VWA3B: variants seen among roughly 807,000 people sequenced by gnomAD.
VWA3B encodes the protein von Willebrand factor A domain containing 3B.
VWA3B carries 138 observed loss-of-function variants against 158.3 expected under a neutral mutation model. That is an observed-to-expected ratio of 0.87 (90% CI 0.76 to 1.00). The LOEUF (loss-of-function observed/expected upper bound fraction) is 1.00. Among genes scored for constraint, VWA3B ranks in the 50% least tolerant of loss-of-function variants. The pLI is 0.00. For synonymous variants in VWA3B, 596 were observed against 587.3 expected, an observed-to-expected ratio of 1.01 and a Z score of -0.21; for missense variants, 1,555 against 1,565.1, an observed-to-expected ratio of 0.99 and a Z score of 0.11.
intron 10 of VWA3B, among the ~76,000 whole-genome samples, chr2:98,188,704 T>C (rs1449057406): frequency 6.6e-6 from 1 of 152,218 alleles, no homozygotes; most frequent in Non-Finnish European, 1.5e-5. Context: ...TAGTACTCCA[T>C]GGTGTATATA....
At chr2:98,165,812 T>TA (rs1234635808) in intron 8 of VWA3B, among the ~76,000 whole-genome samples, 6 of 152,042 alleles carry the variant, frequency 3.9e-5, no homozygotes, top group African/African-American at 1.4e-4. Context: ...TGCTCACATG[T>TA]AGTGACACCC....
Position 98,250,456 on chromosome 2 carries a change from G to A in VWA3B, c.2792+20G>A. On this transcript the variant is annotated intron_variant, in intron 20 of 27. Transcript: ENST00000477737. ...TGAAAAGTGAGTATTACTCTTGGCT[G>A]CTCTTTAATGGATGTGGAATTTATT... is the stretch of plus-strand genomic sequence containing the variant. 2 of 1,534,000 alleles carry A rather than the reference G, an allele frequency of 1.3e-6. No homozygotes were observed. The highest frequency in any genetic ancestry group is 1.8e-6 in the Non-Finnish European group (2 of 1,121,868).
chr2:98,096,777 T>C lies in VWA3B; in HGVS notation c.196+3489T>C, dbSNP rs188761272. On this transcript the variant is annotated intron_variant, in intron 2 of 27. Transcript: ENST00000477737. ...GCATCAGTTGTAATTTTTCCTTTTT[T>C]ACCTCTGATTTTATTTGAGTCTTCT... 5.2e-3 allele frequency among the ~76,000 whole-genome samples: 790 copies of C among 152,300 alleles called. 4 individuals are homozygous for C. The highest frequency in any genetic ancestry group is 0.018 in the African/African-American group (745 of 41,578).
At chr2:98,253,639 T>C (rs750307957) in intron 20 of VWA3B, among the ~76,000 whole-genome samples, 1 of 152,142 alleles carries the variant, frequency 6.6e-6, no homozygotes, top group Non-Finnish European at 1.5e-5. Flanking sequence ...CTCCTTACCA[T>C]CTGCAATTTG....
the VWA3B span, among the ~76,000 whole-genome samples, chr2:98,327,061 G>T: frequency 6.6e-6 from 1 of 151,600 alleles, no homozygotes; most frequent in African/African-American, 2.4e-5. Context: ...TTGGGAAGCC[G>T]AGCCAGGCAG....
intron 12 of VWA3B, among the ~76,000 whole-genome samples, chr2:98,210,360 T>C (rs1683408036): frequency 6.6e-6 from 1 of 152,074 alleles, no homozygotes; most frequent in Non-Finnish European, 1.5e-5. Flanking sequence ...GGGCATGAAC[T>C]TTTACAGCTT....
intron 10 of VWA3B, 45 bp downstream of exon 10, chr2:98,188,174 G>T (rs1558652682): frequency 1.3e-6 from 2 of 1,580,074 alleles, no homozygotes; most frequent in Non-Finnish European, 1.7e-6. Flanking sequence ...CCTCGCTCTG[G>T]ACATTCTCAT....
intron 15 of VWA3B, among the ~76,000 whole-genome samples, chr2:98,228,573 C>T (rs534733829): frequency 1.4e-4 from 22 of 152,198 alleles, no homozygotes; most frequent in South Asian, 8.3e-4. Context: ...GCTGTGTGGA[C>T]GGGCCCCCAG....
Position 98,297,959 on chromosome 2 carries a change from C to A in VWA3B, c.3210C>A (p.Tyr1070Ter), listed in dbSNP as rs749665421. The change falls in exon 24 of 28, where the codon TAC (tyrosine) becomes TAA (stop). Residue 1070 changes from tyrosine to a stop codon, truncating the protein, a stop_gained. Coordinates refer to ENST00000477737, the MANE Select transcript of VWA3B (RefSeq NM_144992.5). LOFTEE classifies it high-confidence loss of function. ...CCCAAGCACTGGTGGGCTTCAGTTA[C>A]GGAGACACCAAGGTCGTGTCCACCT... is the stretch of plus-strand genomic sequence containing the variant. ...SRTQALVGFS[Y>*]GDTKVVSTSF... The A allele has an allele frequency of 6.3e-7, 1 of 1,586,958 alleles. No individual in the cohort carries two copies. The highest frequency in any genetic ancestry group is 8.6e-7 in the Non-Finnish European group (1 of 1,166,778).
At chr2:98,120,338 A>G (rs1223042736) in intron 4 of VWA3B, among the ~76,000 whole-genome samples, 1 of 152,242 alleles carries the variant, frequency 6.6e-6, no homozygotes, top group Non-Finnish European at 1.5e-5. Context: ...CCTGACAAAA[A>G]ACATCTGGAT....
At position 98,194,507 on chromosome 2, in the gene VWA3B, A is replaced by G. The variant is rs1310508821; in HGVS notation, c.1737+15A>G. 1.2e-6 allele frequency: 2 copies of G among 1,612,382 alleles called. No homozygotes were observed. The highest frequency in any genetic ancestry group is 1.7e-6 in the Non-Finnish European group (2 of 1,178,684). On this transcript the variant is annotated intron_variant, in intron 12 of 27. Coordinates refer to ENST00000477737, the MANE Select transcript of VWA3B (RefSeq NM_144992.5). ...GAGACATAAAGGTAAGTTGGAGACT[A>G]AGCTGGGAGAAGCATCCTAGGAGTC...
chr2:98,310,221 C>G (rs142519498), intron 26 of VWA3B, among the ~76,000 whole-genome samples: 34 of 152,266 alleles, frequency 2.2e-4, no homozygotes, highest in African/African-American at 7.7e-4. Flanking sequence ...GAGAGAGACA[C>G]TTAGGGCACA....
chr2:98,093,321 A>G (rs1225697811), intron 2 of VWA3B, 33 bp downstream of exon 2: 4 of 1,604,840 alleles, frequency 2.5e-6, no homozygotes, highest in Admixed American at 1.7e-5. Flanking sequence ...GCATGCTGCC[A>G]TTTAGCCTTT....
chr2:98,116,263 T>A (rs953738056), intron 3 of VWA3B, among the ~76,000 whole-genome samples: 1 of 152,220 alleles, frequency 6.6e-6, no homozygotes, highest in Admixed American at 6.5e-5. Context: ...TCACGTCCAT[T>A]TATGGATATT....
At chr2:98,306,198 C>A (rs1690515937) in intron 26 of VWA3B, among the ~76,000 whole-genome samples, 1 of 151,968 alleles carries the variant, frequency 6.6e-6, no homozygotes, top group African/African-American at 2.4e-5. Context: ...CACCCTAGCC[C>A]CCCCAGGTAG....
At chr2:98,209,920 G>A (rs935980611) in intron 12 of VWA3B, among the ~76,000 whole-genome samples, 3 of 152,122 alleles carry the variant, frequency 2.0e-5, no homozygotes, top group African/African-American at 4.8e-5. Context: ...GTGGGCTTTC[G>A]TTCCAGTGGC....
At chr2:98,174,639 C>T (rs1294270147) in intron 8 of VWA3B, among the ~76,000 whole-genome samples, 3 of 152,200 alleles carry the variant, frequency 2.0e-5, no homozygotes, top group Non-Finnish European at 2.9e-5. Flanking sequence ...GTCCATTGGT[C>T]TTTCCAAAGC....
At chr2:98,120,849 T>C (rs1674902939) in intron 4 of VWA3B, among the ~76,000 whole-genome samples, 1 of 152,190 alleles carries the variant, frequency 6.6e-6, no homozygotes, top group Non-Finnish European at 1.5e-5. Context: ...TGGGAATCTT[T>C]CAGGACAATG....
the VWA3B span, among the ~76,000 whole-genome samples, chr2:98,328,031 CTT>C: frequency 6.6e-6 from 1 of 152,108 alleles, no homozygotes; most frequent in South Asian, 2.1e-4. Flanking sequence ...TGCCCTGTCT[CTT>C]GCCCTCCTTC....
Sources: gnomAD v4.1 joint callset for allele counts (sites outside exome capture counted in the v4.1 genomes callset) on GRCh38, gnomAD v4.1.1 for gene constraint, MANE v1.5 for transcripts, NCBI Gene and HGNC (gene_info 2026-07-23, HGNC 2026-07-21) for gene names.